KCNJ16: variants seen among roughly 807,000 people sequenced by gnomAD.
KCNJ16 encodes the protein potassium inwardly rectifying channel subfamily J member 16.
In KCNJ16, 15 loss-of-function variants were observed where a neutral mutation model predicts 18.5. The observed-to-expected ratio is 0.81, with a 90% CI of 0.54 to 1.25. The LOEUF (loss-of-function observed/expected upper bound fraction) is 1.25. Ranked by LOEUF, KCNJ16 falls within the 50% of genes most tolerant of loss-of-function variation. The pLI, the probability that KCNJ16 is intolerant of heterozygous loss-of-function variation, is 0.00. For missense variants in KCNJ16, 523 were observed against 525.7 expected (o/e 0.99, Z 0.05); for synonymous variants, 174 against 186.5 (o/e 0.93, Z 0.55).
At chr17:70,119,635 G>A (rs1490273185) in intron 2 of KCNJ16, among the ~76,000 whole-genome samples, 2 of 152,220 alleles carry the variant, frequency 1.3e-5, no homozygotes, top group Non-Finnish European at 2.9e-5. Context: ...GGGGCCCTTT[G>A]AGCTAAGGCT....
chr17:70,127,827 C>T (rs577732012), intron 2 of KCNJ16, among the ~76,000 whole-genome samples: 1 of 152,216 alleles, frequency 6.6e-6, no homozygotes, highest in Non-Finnish European at 1.5e-5. Flanking sequence ...AGGTCCTTTA[C>T]ATGGTAAAGA....
At chr17:70,124,033 A>G (rs1385775738) in intron 2 of KCNJ16, among the ~76,000 whole-genome samples, 1 of 150,520 alleles carries the variant, frequency 6.6e-6, no homozygotes, top group Non-Finnish European at 1.5e-5. Context: ...GGGAGGCTGC[A>G]GCCAAATCAC....
chr17:70,103,451 G>A (rs2072767676), intron 2 of KCNJ16, among the ~76,000 whole-genome samples: 1 of 151,180 alleles, frequency 6.6e-6, no homozygotes, highest in Non-Finnish European at 1.5e-5. Flanking sequence ...ACAGGGGTGA[G>A]ACACTATGCC....
intron 2 of KCNJ16, among the ~76,000 whole-genome samples, chr17:70,111,465 G>A (rs1567795258): frequency 6.6e-6 from 1 of 152,006 alleles, no homozygotes; most frequent in African/African-American, 2.4e-5. Context: ...GTTGTACCAC[G>A]CTGAATACTT....
intron 2 of KCNJ16, among the ~76,000 whole-genome samples, chr17:70,103,204 ATATT>A (rs1165387063): frequency 6.9e-6 from 1 of 144,022 alleles, no homozygotes; most frequent in African/African-American, 2.5e-5. Context: ...ATGTGTATAT[ATATT>A]TTTGTGTATA....
chr17:70,125,158 T>C (rs528307611), intron 2 of KCNJ16, among the ~76,000 whole-genome samples: 2 of 151,972 alleles, frequency 1.3e-5, no homozygotes, highest in African/African-American at 4.8e-5. Flanking sequence ...CCCAGCTACT[T>C]ACTTGGGAGG....
At chr17:70,097,846 A>G (rs531834068) in intron 1 of KCNJ16, among the ~76,000 whole-genome samples, 75 of 151,970 alleles carry the variant, frequency 4.9e-4, no homozygotes, top group Non-Finnish European at 9.3e-4. Flanking sequence ...ATTTCTAATT[A>G]TTGTTGATTC....
chr17:70,090,817 G>A (rs561908476), intron 1 of KCNJ16, among the ~76,000 whole-genome samples: 6 of 152,204 alleles, frequency 3.9e-5, no homozygotes, highest in African/African-American at 1.2e-4. Context: ...TAGATCACCT[G>A]AAAAAGTGTC....
At chr17:70,106,144 GTAAAGGCACAGAT>G (rs1386717478) in intron 2 of KCNJ16, among the ~76,000 whole-genome samples, 10 of 152,156 alleles carry the variant, frequency 6.6e-5, no homozygotes, top group Non-Finnish European at 1.2e-4. Flanking sequence ...AATGCAAGGA[GTAAAGGCACAGAT>G]AATACCAAAA....
At chr17:70,129,466 G>A (rs2073981602) in intron 2 of KCNJ16, among the ~76,000 whole-genome samples, 2 of 152,170 alleles carry the variant, frequency 1.3e-5, no homozygotes, top group Admixed American at 6.5e-5. Context: ...TGCTCATTGG[G>A]TAGGCTGAGA....
chr17:70,092,751 G>A (rs1009128221), intron 1 of KCNJ16, among the ~76,000 whole-genome samples: 2 of 152,122 alleles, frequency 1.3e-5, no homozygotes, highest in Admixed American at 6.6e-5. Context: ...GGAAGCCAAT[G>A]GTATAAATTT....
intron 2 of KCNJ16, among the ~76,000 whole-genome samples, chr17:70,103,324 A>ACACACACACACACACAT (rs142139198): frequency 1.2e-4 from 14 of 113,348 alleles, no homozygotes; most frequent in Non-Finnish European, 2.3e-4. Context: ...ATATATATAC[A>ACACACACACACACACAT]CACACATATA....
intron 2 of KCNJ16, chr17:70,128,136 CTG>C (rs2073920823): frequency 6.6e-6 from 1 of 152,236 alleles, no homozygotes; most frequent in South Asian, 2.1e-4. Flanking sequence ...ATGGATGAGT[CTG>C]ATTGAGACGC....
Position 70,132,913 on chromosome 17 carries a change from T to G in KCNJ16, c.826T>G (p.Phe276Val), listed in dbSNP as rs1178532613. The G allele has an allele frequency of 1.2e-6, 2 of 1,614,044 alleles. No homozygotes were observed. The highest frequency in any genetic ancestry group is 8.5e-7 in the Non-Finnish European group (1 of 1,180,024). The change falls in exon 4 of 4, where the codon TTT becomes GTT. Residue 276 changes from phenylalanine to valine, a missense_variant. By Grantham distance (50) the Phe-to-Val change is conservative. Coordinates refer to ENST00000392671, the MANE Select transcript of KCNJ16 (RefSeq NM_170741.4). ...LDRKAVAKDN[F>V]EILVTFIYTG... ...CCGCAAAGCAGTAGCCAAAGATAAC[T>G]TTGAGATTTTGGTGACATTTATCTA...
chr17:70,119,205 C>T (rs9909905), intron 2 of KCNJ16, among the ~76,000 whole-genome samples: 33,874 of 152,178 alleles, frequency 0.22, 4,498 homozygotes, highest in African/African-American at 0.38. Flanking sequence ...GGCAGTTCCA[C>T]GTCTGTGGCT....
At chr17:70,087,894 C>A (rs949861098) in intron 1 of KCNJ16, among the ~76,000 whole-genome samples, 1 of 151,028 alleles carries the variant, frequency 6.6e-6, no homozygotes. Context: ...GTTGCAATTA[C>A]GTAAAAGGAA....
At chr17:70,118,463 A>G (rs796890412) in intron 2 of KCNJ16, among the ~76,000 whole-genome samples, 1 of 152,094 alleles carries the variant, frequency 6.6e-6, no homozygotes, top group Non-Finnish European at 1.5e-5. Context: ...AAAAGAAAAG[A>G]TGTTTAATTG....
At chr17:70,082,453 G>T (rs1598083914) in intron 1 of KCNJ16, among the ~76,000 whole-genome samples, 2 of 152,156 alleles carry the variant, frequency 1.3e-5, no homozygotes, top group East Asian at 3.9e-4. Context: ...CTCCTTCCCA[G>T]TTACCTGGGA....
chr17:70,102,896 T>C (rs973031774), intron 2 of KCNJ16, among the ~76,000 whole-genome samples: 3 of 151,108 alleles, frequency 2.0e-5, no homozygotes, highest in Non-Finnish European at 4.4e-5. Flanking sequence ...TCCTGACTGA[T>C]TGTTAATATC....
Sources: allele counts gnomAD v4.1 joint callset (sites outside exome capture counted in the v4.1 genomes callset), GRCh38; gene constraint gnomAD v4.1.1; transcripts MANE v1.5; gene names NCBI Gene and HGNC (gene_info 2026-07-23, HGNC 2026-07-21).